The following CEP15 variants were observed in gnomAD, a reference collection of about 807,000 sequenced individuals.
CEP15 encodes the protein centrosomal protein 15.
At chr3:62,320,960 A>G in the CEP15 span, among the ~76,000 whole-genome samples, 8 of 151,218 alleles carry the variant, frequency 5.3e-5, no homozygotes, top group East Asian at 1.6e-3. Flanking sequence ...TGTATTATTC[A>G]CTCTTTTCCT....
chr3:62,331,522 T>C, the CEP15 span: 4 of 821,534 alleles, frequency 4.9e-6, no homozygotes, highest in African/African-American at 5.2e-5. Context: ...TTAAAGAAGA[T>C]ATGCCTGTTT....
chr3:62,321,916 CG>C, the CEP15 span: 3 of 1,558,052 alleles, frequency 1.9e-6, no homozygotes, highest in Non-Finnish European at 1.7e-6. The surrounding 1 kb of genome is among the most constrained non-coding windows in gnomAD (Gnocchi z 4.1). Flanking sequence ...ATATAATCTT[CG>C]TTTTTTTTCT....
chr3:62,331,182 C>T, the CEP15 span: 3 of 583,862 alleles, frequency 5.1e-6, no homozygotes, highest in South Asian at 2.3e-5. Context: ...GATCAGTTTT[C>T]CTACCATAGT....
At chr3:62,332,799 C>T in the CEP15 span, among the ~76,000 whole-genome samples, 1 of 152,032 alleles carries the variant, frequency 6.6e-6, no homozygotes, top group South Asian at 2.1e-4. Context: ...CTGATCTCAT[C>T]CCAGGTCAAA....
the CEP15 span, chr3:62,334,860 G>GT: frequency 8.6e-5 from 13 of 151,936 alleles, no homozygotes; most frequent in South Asian, 2.1e-4. The surrounding 1 kb of genome is among the most constrained non-coding windows in gnomAD (Gnocchi z 4.9). Context: ...GAGAATGCAG[G>GT]TTTTTTTAGC....
the CEP15 span, among the ~76,000 whole-genome samples, chr3:62,328,666 C>CT: frequency 2.6e-3 from 388 of 152,082 alleles, 2 homozygotes; most frequent in African/African-American, 8.8e-3. Flanking sequence ...CCTTGGATAC[C>CT]TTTTTTTAAA....
chr3:62,329,408 G>C, the CEP15 span, among the ~76,000 whole-genome samples: 1 of 152,160 alleles, frequency 6.6e-6, no homozygotes, highest in African/African-American at 2.4e-5. Context: ...CCACAGTCTT[G>C]AGAGAGATAA....
the CEP15 span, among the ~76,000 whole-genome samples, chr3:62,327,722 G>A: frequency 6.6e-6 from 1 of 152,150 alleles, no homozygotes; most frequent in Non-Finnish European, 1.5e-5. Flanking sequence ...TTACACTGAA[G>A]TACATACAGT....
At chr3:62,323,775 A>G in the CEP15 span, 2 of 152,234 alleles carry the variant, frequency 1.3e-5, no homozygotes, top group Non-Finnish European at 1.5e-5. Context: ...CCTGATTATC[A>G]AAGTAATATA....
the CEP15 span, among the ~76,000 whole-genome samples, chr3:62,319,569 C>G: frequency 1.3e-5 from 2 of 152,172 alleles, no homozygotes; most frequent in African/African-American, 2.4e-5. Flanking sequence ...GCACCCTACA[C>G]TCAATAAGCG....
the CEP15 span, among the ~76,000 whole-genome samples, chr3:62,328,116 A>G: frequency 3.9e-5 from 6 of 152,216 alleles, no homozygotes; most frequent in African/African-American, 7.2e-5. Context: ...AGATCTCTCA[A>G]TCTGGGCACT....
the CEP15 span, chr3:62,333,605 G>T: frequency 2.7e-6 from 1 of 374,398 alleles, no homozygotes; most frequent in Non-Finnish European, 4.7e-6. This position sits in a 1 kb window ranked among gnomAD's most constrained non-coding sequence, Gnocchi z 4.0. Flanking sequence ...CCATAGATGT[G>T]TTAAACACGA....
At chr3:62,326,919 A>G in the CEP15 span, among the ~76,000 whole-genome samples, 3 of 152,238 alleles carry the variant, frequency 2.0e-5, no homozygotes, top group African/African-American at 7.2e-5. Context: ...CAATACTATT[A>G]TCAATAAGAA....
the CEP15 span, chr3:62,333,161 TACAC>T: frequency 8.7e-7 from 1 of 1,143,770 alleles, no homozygotes. The surrounding 1 kb of genome is among the most constrained non-coding windows in gnomAD (Gnocchi z 4.0). Flanking sequence ...TATACACGCA[TACAC>T]ACTCTTAAGT....
At chr3:62,326,302 T>C in the CEP15 span, among the ~76,000 whole-genome samples, 3 of 152,196 alleles carry the variant, frequency 2.0e-5, no homozygotes. Flanking sequence ...TTGAAGAATA[T>C]GTTTAATAAA....
At chr3:62,319,739 T>G in the CEP15 span, 1 of 152,280 alleles carries the variant, frequency 6.6e-6, no homozygotes, top group East Asian at 1.9e-4. Flanking sequence ...CTTTAACCTT[T>G]TAAGCCCAAC....
the CEP15 span, chr3:62,333,707 C>A: frequency 1.1e-5 from 2 of 182,914 alleles, no homozygotes; most frequent in Non-Finnish European, 2.2e-5. This position sits in a 1 kb window ranked among gnomAD's most constrained non-coding sequence, Gnocchi z 4.0. Flanking sequence ...TCATTCTCCT[C>A]TAAGCAGGTA....
the CEP15 span, chr3:62,323,814 TGTAAA>T: frequency 6.6e-6 from 1 of 152,186 alleles, no homozygotes; most frequent in Non-Finnish European, 1.5e-5. Flanking sequence ...TTTTTTAAAG[TGTAAA>T]GTAGACGAAA....
chr3:62,333,241 A>AT, the CEP15 span: 1,996 of 1,586,554 alleles, frequency 1.3e-3, 2 homozygotes, highest in Non-Finnish European at 1.5e-3. This position sits in a 1 kb window ranked among gnomAD's most constrained non-coding sequence, Gnocchi z 4.0. Flanking sequence ...TTACTTTTGG[A>AT]TTTTTTTTTC....
Sources: allele counts gnomAD v4.1 joint callset (sites outside exome capture counted in the v4.1 genomes callset), GRCh38; gene constraint gnomAD v4.1.1; non-coding constraint Gnocchi (gnomAD v3.1); transcripts MANE v1.5; gene names NCBI Gene and HGNC (gene_info 2026-07-23, HGNC 2026-07-21).